The following MAVS variants were observed in gnomAD, a reference collection of about 807,000 sequenced individuals.
MAVS encodes mitochondrial antiviral signaling protein.
Under a neutral mutation model 30.2 loss-of-function variants are expected in MAVS, and 20 were observed. That is an observed-to-expected ratio of 0.66 (90% CI 0.47 to 0.96). The LOEUF is 0.96. Ranked by LOEUF, MAVS falls within the 40% of genes least tolerant of loss-of-function variation. MAVS has a pLI of 0.00. For synonymous variants in MAVS, 278 were observed against 293.9 expected (o/e 0.95, Z 0.55); for missense variants, 624 against 701.1 (o/e 0.89, Z 1.24).
chr20:3,860,986 C>CT (rs112042729), intron 3 of MAVS, among the ~76,000 whole-genome samples: 6,123 of 142,358 alleles, frequency 0.043, 431 homozygotes, highest in African/African-American at 0.15. Context: ...CTGATTCCTT[C>CT]TTTTTTTTTC....
chr20:3,857,559 G>A (rs1600447814), intron 2 of MAVS, 76 bp from the exon 3 acceptor site: 22 of 1,388,566 alleles, frequency 1.6e-5, no homozygotes, highest in African/African-American at 1.1e-4. Context: ...CCCTCCCCCC[G>A]CTGTGGCTTC....
chr20:3,875,415 AAAAAAT>A lies in MAVS; in HGVS notation c.*9280_*9285del, dbSNP rs2089983717. The A allele has an allele frequency of 6.6e-6, 1 of 152,164 alleles. No individual in the cohort carries two copies. The highest frequency in any genetic ancestry group is 6.6e-5 in the Admixed American group (1 of 15,252). The allele number at this position is 152,164 out of a possible 1,614,324, so 9.4% of individuals were successfully genotyped here. On this transcript the variant is annotated 3_prime_UTR_variant, in exon 7 of 7. Coordinates refer to ENST00000428216, the MANE Select transcript of MAVS (RefSeq NM_020746.5). ...GGGTGACAGAGCGAGACCCAGACTC[AAAAAAT>A]AAAAATAAAAACCCTGAATATCTTC...
chr20:3,864,360 A>C lies in MAVS; in HGVS notation c.730A>C (p.Thr244Pro), dbSNP rs1402596581. 1 of 1,613,928 alleles carries C rather than the reference A, an allele frequency of 6.2e-7. No individual in the cohort carries two copies. Among genetic ancestry groups the C allele is most frequent in the Admixed American group, 1.7e-5 (1 of 60,018 alleles). ...TPRASRLPGP[T>P]GSVVSTGTSF... ...CAGGGCAAGCCGCTTGCCTGGACCC[A>C]CAGGGTCAGTTGTATCTACTGGCAC... is the stretch of plus-strand genomic sequence containing the variant. The change falls in exon 6 of 7, where the codon ACA becomes CCA. Residue 244 changes from threonine to proline, a missense_variant. By Grantham distance (38) the Thr-to-Pro change is conservative. Transcript: ENST00000428216.
At position 3,854,599 on chromosome 20, in the gene MAVS, G is replaced by C. The variant is rs754974654; in HGVS notation, c.-26G>C. 1 of 1,544,560 alleles carries C rather than the reference G, an allele frequency of 6.5e-7. No homozygotes were observed. The highest frequency in any genetic ancestry group is 2.3e-5 in the East Asian group (1 of 44,440). ...TCCATCCACCCTTCATGGGGCCAGA[G>C]CCCTCTCTCCAGAATCTGAGCAGCA... On this transcript the variant is annotated 5_prime_UTR_variant, in exon 2 of 7. Transcript: ENST00000428216.
At chr20:3,853,301 C>A (rs201206917) in intron 1 of MAVS, among the ~76,000 whole-genome samples, 172 of 150,488 alleles carry the variant, frequency 1.1e-3, no homozygotes, top group Middle Eastern at 6.9e-3. Flanking sequence ...CCTGGCTAAC[C>A]CCGTGAAACC....
At position 3,874,283 on chromosome 20, in the gene MAVS, T is replaced by TG. The variant is rs1568542513; in HGVS notation, c.*8140dup. The TG allele has an allele frequency of 7.5e-6, 3 of 398,498 alleles. No individual in the cohort carries two copies. In the East Asian group the frequency reaches 1.1e-4, roughly 14 times the overall value. 24.7% of individuals were successfully genotyped at this position (398,498 alleles called of 1,614,324 possible). On this transcript the variant is annotated 3_prime_UTR_variant, in exon 7 of 7. Coordinates refer to ENST00000428216, the MANE Select transcript of MAVS (RefSeq NM_020746.5). ...GGAACAGTTAACAGGGGAGGGATACTGGGGAGGGGCATCCTGGAGTGCTGG... is the reference window on the plus strand; with the variant it reads ...GGAACAGTTAACAGGGGAGGGATACTGGGGGAGGGGCATCCTGGAGTGCTGG...
At chr20:3,848,566 T>C (rs2089730601) in intron 1 of MAVS, among the ~76,000 whole-genome samples, 1 of 152,218 alleles carries the variant, frequency 6.6e-6, no homozygotes, top group Non-Finnish European at 1.5e-5. Context: ...CATGTGAGGC[T>C]CTGAGGCCAG....
intron 2 of MAVS, 68 bp from the exon 3 acceptor site, chr20:3,857,567 T>A (rs2089822114): frequency 6.5e-7 from 1 of 1,539,858 alleles, no homozygotes; most frequent in Admixed American, 1.9e-5. Flanking sequence ...CCGCTGTGGC[T>A]TCATTCTGGG....
chr20:3,851,698 G>A (rs565587940), intron 1 of MAVS, among the ~76,000 whole-genome samples: 1 of 152,068 alleles, frequency 6.6e-6, no homozygotes, highest in East Asian at 1.9e-4. Flanking sequence ...GCTCACGCCT[G>A]TAATCCCAGC....
intron 2 of MAVS, among the ~76,000 whole-genome samples, chr20:3,856,109 C>T (rs1248084790): frequency 1.7e-4 from 26 of 150,746 alleles, no homozygotes; most frequent in Non-Finnish European, 2.7e-4. Flanking sequence ...GGCTGGAGTG[C>T]AGTGGTGTGA....
intron 1 of MAVS, among the ~76,000 whole-genome samples, chr20:3,853,465 G>C (rs1367248373): frequency 2.7e-5 from 4 of 146,806 alleles, no homozygotes; most frequent in South Asian, 4.4e-4. Flanking sequence ...CAGCCTGGGC[G>C]ACAGAGAAAG....
chr20:3,862,053 T>C (rs1248503409), intron 4 of MAVS, among the ~76,000 whole-genome samples: 3 of 152,124 alleles, frequency 2.0e-5, no homozygotes, highest in Non-Finnish European at 4.4e-5. Context: ...CTGGCAATGC[T>C]GTGTGTTTTC....
In MAVS at chr20:3,875,257, AAT is replaced by A. The variant is rs1427582395; in HGVS notation, c.*9112_*9113del. On this transcript the variant is annotated 3_prime_UTR_variant, in exon 7 of 7. Transcript: ENST00000428216. The stretch of plus-strand genomic sequence containing the variant: ...AGCTAGACCACATCTCTTAAAATAA[AAT>A]AGTTAATTTAGCCAGGCATGATGAT... 1 of 152,192 alleles carries A rather than the reference AAT, an allele frequency of 6.6e-6. No individual in the cohort carries two copies. Among genetic ancestry groups the A allele is most frequent in the African/African-American group, 2.4e-5 (1 of 41,534 alleles). 9.4% of individuals were successfully genotyped at this position (152,192 alleles called of 1,614,324 possible).
At chr20:3,856,057 AT>A (rs34856295) in intron 2 of MAVS, among the ~76,000 whole-genome samples, 30,281 of 129,608 alleles carry the variant, frequency 0.23, 3,653 homozygotes, top group East Asian at 0.57. Context: ...CAGTGGCACG[AT>A]TTTTTTTTTT....
chr20:3,860,877 A>G (rs1417901652), intron 3 of MAVS, among the ~76,000 whole-genome samples: 3 of 151,108 alleles, frequency 2.0e-5, no homozygotes, highest in Non-Finnish European at 4.4e-5. Flanking sequence ...GGGTTTCACT[A>G]TGTTGGCCAG....
chr20:3,860,266 C>T (rs1055853570), intron 3 of MAVS, among the ~76,000 whole-genome samples: 3 of 151,700 alleles, frequency 2.0e-5, no homozygotes, highest in Admixed American at 6.6e-5. Flanking sequence ...CTTGCTCAGT[C>T]GCCCAGGCTG....
chr20:3,861,817 T>G (rs939133060), intron 4 of MAVS, among the ~76,000 whole-genome samples: 2 of 152,010 alleles, frequency 1.3e-5, no homozygotes, highest in African/African-American at 4.8e-5. Flanking sequence ...GGAGTGATCT[T>G]GGCTCACTGC....
chr20:3,861,317 A>G lies in MAVS; in HGVS notation c.293-15A>G. The G allele has an allele frequency of 6.2e-7, 1 of 1,600,252 alleles. No individual in the cohort carries two copies. Among genetic ancestry groups the G allele is most frequent in the Non-Finnish European group, 8.5e-7 (1 of 1,172,378 alleles). Reference sequence around the variant, plus strand: ...CCTGATTCCTTCTTGATATCACTACATCTTTGTCCTCTAGGGACCTCGGAC... The same window carrying G: ...CCTGATTCCTTCTTGATATCACTACGTCTTTGTCCTCTAGGGACCTCGGAC... On this transcript the variant is annotated splice_polypyrimidine_tract_variant and intron_variant, in intron 3 of 6. Coordinates refer to ENST00000428216, the MANE Select transcript of MAVS (RefSeq NM_020746.5).
chr20:3,848,888 T>G (rs546539090), intron 1 of MAVS, among the ~76,000 whole-genome samples: 31 of 152,086 alleles, frequency 2.0e-4, no homozygotes, highest in South Asian at 8.3e-4. Flanking sequence ...CCTTATCTCC[T>G]ACACCCTCAA....
Sources: gnomAD v4.1 joint callset for allele counts (sites outside exome capture counted in the v4.1 genomes callset) on GRCh38, gnomAD v4.1.1 for gene constraint, MANE v1.5 for transcripts, NCBI Gene and HGNC (gene_info 2026-07-23, HGNC 2026-07-21) for gene names.